The following PPP2R1A variants were observed in gnomAD, a reference collection of about 807,000 sequenced individuals.
PPP2R1A encodes protein phosphatase 2 scaffold subunit Aalpha.
Under a neutral mutation model 67.1 loss-of-function variants are expected in PPP2R1A, and 15 were observed. The observed-to-expected ratio is 0.22, with a 90% CI of 0.15 to 0.34. The LOEUF (loss-of-function observed/expected upper bound fraction) is 0.34, where lower values mean the gene tolerates loss of function less well. PPP2R1A is among the 10% of genes least tolerant of loss of function. The probability of loss-of-function intolerance (pLI) is 1.00; values close to 1 mark genes in which losing one functional copy is unlikely to be tolerated. For synonymous variants in PPP2R1A, 337 were observed against 325.0 expected (o/e 1.04, Z -0.40); for missense variants, 369 against 775.0 (o/e 0.48, Z 6.22).
intron 1 of PPP2R1A, among the ~76,000 whole-genome samples, chr19:52,197,043 A>G (rs1055999655): frequency 2.0e-5 from 3 of 152,232 alleles, no homozygotes. Context: ...TATGAACAGC[A>G]GTATAGCCCC....
Position 52,202,000 on chromosome 19 carries a change from A to C in PPP2R1A, c.135A>C (p.Glu45Asp). ...LSTIALALGV[E>D]RTRSELLPFL... ...CCATCGCCTTGGCCCTTGGGGTTGA[A>C]AGGACCCGAAGTGAGCTTCTGCCTT... The change falls in exon 2 of 15, where the codon GAA becomes GAC. Residue 45 changes from glutamate to aspartate, a missense_variant. Coordinates refer to ENST00000322088, the MANE Select transcript of PPP2R1A (RefSeq NM_014225.6). 2 of 1,614,176 alleles carry C rather than the reference A, an allele frequency of 1.2e-6. No individual in the cohort carries two copies. Among genetic ancestry groups the C allele is most frequent in the South Asian group, 2.2e-5 (2 of 91,082 alleles).
rs2089655847 is a variant in PPP2R1A at position 52,210,504 on chromosome 19, T to C, written c.271-756T>C. Among the ~76,000 whole-genome samples, 3 of 134,098 alleles carry C rather than the reference T, an allele frequency of 2.2e-5. No individual in the cohort carries two copies. The South Asian group carries it at 6.6e-4, about 30-fold the overall frequency. 88.0% of individuals were successfully genotyped at this position (134,098 alleles called of 152,430 possible). A position where few individuals can be genotyped will look rare whatever the true frequency, so the allele number is the denominator to read the frequency against. Reference sequence around the variant, plus strand: ...CTCTTCTTTTTTTTTTTTTTTTTTTTCTTTTTGAGACGGAGTCTCGCTGTG... The same window carrying C: ...CTCTTCTTTTTTTTTTTTTTTTTTTCCTTTTTGAGACGGAGTCTCGCTGTG... On this transcript the variant is annotated intron_variant, in intron 3 of 14. Coordinates refer to ENST00000322088, the MANE Select transcript of PPP2R1A (RefSeq NM_014225.6).
intron 1 of PPP2R1A, among the ~76,000 whole-genome samples, chr19:52,192,468 T>C (rs4802901): frequency 0.49 from 74,138 of 151,604 alleles, 18,545 homozygotes; most frequent in African/African-American, 0.6. Context: ...CCACCACGCC[T>C]GGCTGATTTT....
At chr19:52,210,135 A>AC (rs747388721) in intron 3 of PPP2R1A, among the ~76,000 whole-genome samples, 2 of 152,074 alleles carry the variant, frequency 1.3e-5, no homozygotes, top group Non-Finnish European at 2.9e-5. Flanking sequence ...CCCAAGTTGA[A>AC]TTTCAGATCA....
intron 13 of PPP2R1A, among the ~76,000 whole-genome samples, chr19:52,223,484 T>C (rs550877949): frequency 4.3e-4 from 65 of 152,264 alleles, no homozygotes; most frequent in African/African-American, 1.5e-3. Flanking sequence ...TTAATATATG[T>C]TTCTGAGAAA....
chr19:52,203,868 G>C lies in PPP2R1A; in HGVS notation c.169+1834G>C, dbSNP rs77837048. 8.3e-3 allele frequency among the ~76,000 whole-genome samples: 1,268 copies of C among 152,282 alleles called. 19 individuals are homozygous for C. Among genetic ancestry groups the C allele is most frequent in the African/African-American group, 0.029 (1,215 of 41,558 alleles). On this transcript the variant is annotated intron_variant, in intron 2 of 14. Transcript: ENST00000322088. ...GGTTTGATTAGGCTCATAGAACTCAGGGAAACACTTATGTTTACTGGTTTA... is the reference window on the plus strand; with the variant it reads ...GGTTTGATTAGGCTCATAGAACTCACGGAAACACTTATGTTTACTGGTTTA...
chr19:52,225,657 C>T (rs1979208833), intron 13 of PPP2R1A, 60 bp from the exon 14 acceptor site: 2 of 1,507,630 alleles, frequency 1.3e-6, no homozygotes, highest in Middle Eastern at 3.4e-4. Context: ...CCTGTGCCCA[C>T]CTGTTGCCCC....
intron 1 of PPP2R1A, among the ~76,000 whole-genome samples, chr19:52,192,814 G>T (rs1249785622): frequency 6.6e-6 from 1 of 152,182 alleles, no homozygotes; most frequent in East Asian, 1.9e-4. Context: ...GGTGAGGTGT[G>T]GGGGAAGTTG....
Position 52,213,454 on chromosome 19 carries a change from G to GGT in PPP2R1A, c.807+347_807+348dup, listed in dbSNP as rs1568594531. Among the ~76,000 whole-genome samples the GGT allele has an allele frequency of 2.4e-5, 3 of 125,952 alleles. No individual in the cohort carries two copies. The highest frequency in any genetic ancestry group is 5.0e-5 in the Non-Finnish European group (3 of 59,430). 82.6% of individuals were successfully genotyped at this position (125,952 alleles called of 152,430 possible). On this transcript the variant is annotated intron_variant, in intron 6 of 14. Transcript: ENST00000322088. This position sits in a 1 kb window ranked among gnomAD's most constrained non-coding sequence, Gnocchi z 4.2. ...ACAGCCCAAAAAGGTGGGGTTTTTT[G>GGT]GTGTTTTTTTTTTTTTTTTTTTTTT...
chr19:52,190,387 C>T (rs1360748389), intron 1 of PPP2R1A: 1 of 624,368 alleles, frequency 1.6e-6, no homozygotes, highest in Admixed American at 3.0e-5. Flanking sequence ...CAGCGCTAGC[C>T]TCGAGGGTCC....
Position 52,190,270 on chromosome 19 carries a change from C to T in PPP2R1A, c.78+96C>T, listed in dbSNP as rs913432769. On this transcript the variant is annotated intron_variant, in intron 1 of 14. Transcript: ENST00000322088. Reference sequence around the variant, plus strand: ...AAGACTCAGCGTTCGCTGGGAGTGGCGGAAGGGGGCGACGGCCAATCAGCG... The same window carrying T: ...AAGACTCAGCGTTCGCTGGGAGTGGTGGAAGGGGGCGACGGCCAATCAGCG... 1.1e-5 allele frequency: 15 copies of T among 1,370,520 alleles called. No homozygotes were observed. The African/African-American group carries it at 1.7e-4, about 16-fold the overall frequency. 84.9% of individuals were successfully genotyped at this position (1,370,520 alleles called of 1,614,324 possible).
intron 12 of PPP2R1A, 51 bp from the exon 13 acceptor site, chr19:52,222,048 G>T: frequency 6.5e-7 from 1 of 1,530,088 alleles, no homozygotes; most frequent in Non-Finnish European, 8.8e-7. Flanking sequence ...CAGGAAATGA[G>T]AGTTAGCCAG....
rs1003583465 is a variant in PPP2R1A, at chr19:52,212,222, A to G, written c.504-464A>G. Among the ~76,000 whole-genome samples, 1 of 152,106 alleles carries G rather than the reference A, an allele frequency of 6.6e-6. No individual in the cohort carries two copies. The highest frequency in any genetic ancestry group is 6.5e-5 in the Admixed American group (1 of 15,278). On this transcript the variant is annotated intron_variant, in intron 4 of 14. Transcript: ENST00000322088. This position sits in a 1 kb window ranked among gnomAD's most constrained non-coding sequence, Gnocchi z 4.1. ...TGCCTTAGCCTCTCAAATAGCTGGG[A>G]CCACAGGTGTGCAACACCACGCTGG...
intron 9 of PPP2R1A, among the ~76,000 whole-genome samples, chr19:52,218,897 AG>A (rs1978749553): frequency 6.6e-6 from 1 of 152,222 alleles, no homozygotes. Flanking sequence ...AGCTTCTCTT[AG>A]AAGAAAAGAA....
rs1979400349 is a variant in PPP2R1A at position 52,228,706 on chromosome 19, A to G, written c.*2725A>G. 6.6e-6 allele frequency: 1 copy of G among 152,182 alleles called. No individual in the cohort carries two copies. The highest frequency in any genetic ancestry group is 1.5e-5 in the Non-Finnish European group (1 of 68,096). The allele number at this position is 152,182 out of a possible 1,614,324, so 9.4% of individuals were successfully genotyped here. On this transcript the variant is annotated 3_prime_UTR_variant, in exon 15 of 15. Transcript: ENST00000322088. ...CTAAATCCCAGCAGTCACACTGGCC[A>G]TCTCTAATGGTTCCTTCCACAGCAC...
At chr19:52,191,196 C>T (rs2089451415) in intron 1 of PPP2R1A, 1 of 152,208 alleles carries the variant, frequency 6.6e-6, no homozygotes, top group Admixed American at 6.5e-5. Context: ...TGAGGTGACC[C>T]AAGGCTCTGA....
chr19:52,193,808 T>A (rs930107987), intron 1 of PPP2R1A, among the ~76,000 whole-genome samples: 1 of 151,938 alleles, frequency 6.6e-6, no homozygotes, highest in Non-Finnish European at 1.5e-5. Flanking sequence ...TGCCCGCCTC[T>A]GCCTCCCAAA....
At chr19:52,206,447 C>T (rs10423610) in intron 3 of PPP2R1A, among the ~76,000 whole-genome samples, 21,313 of 152,154 alleles carry the variant, frequency 0.14, 1,521 homozygotes, top group African/African-American at 0.15. Flanking sequence ...TTTTAAATTA[C>T]CTTGAAGAGC....
intron 2 of PPP2R1A, among the ~76,000 whole-genome samples, chr19:52,202,850 T>G (rs1600161378): frequency 6.6e-6 from 1 of 152,236 alleles, no homozygotes; most frequent in Non-Finnish European, 1.5e-5. Flanking sequence ...AATAAGATAC[T>G]GTAAAGTGCT....
Sources: gnomAD v4.1 joint callset for allele counts (sites outside exome capture counted in the v4.1 genomes callset) on GRCh38, gnomAD v4.1.1 for gene constraint, Gnocchi (gnomAD v3.1) non-coding constraint, MANE v1.5 for transcripts, NCBI Gene and HGNC (gene_info 2026-07-23, HGNC 2026-07-21) for gene names.